The following SH3GL2 variants were observed in gnomAD, a reference collection of about 807,000 sequenced individuals.
SH3GL2 encodes the protein SH3 domain containing GRB2 like 2, endophilin A1.
A neutral mutation model predicts 46.0 loss-of-function variants in SH3GL2; 24 were observed. That is an observed-to-expected ratio of 0.52 (90% CI 0.38 to 0.73). The LOEUF (loss-of-function observed/expected upper bound fraction) is 0.73, where lower values mean the gene tolerates loss of function less well. SH3GL2 is among the 30% of genes least tolerant of loss of function. SH3GL2 has a pLI of 0.00. For synonymous variants in SH3GL2, 196 were observed against 147.1 expected, an observed-to-expected ratio of 1.33 and a Z score of -2.40; for missense variants, 413 against 424.2, an observed-to-expected ratio of 0.97 and a Z score of 0.23.
intron 1 of SH3GL2, among the ~76,000 whole-genome samples, chr9:17,663,914 T>C (rs2117907281): frequency 6.6e-6 from 1 of 152,338 alleles, no homozygotes; most frequent in East Asian, 1.9e-4. Flanking sequence ...TTTTTTCTTT[T>C]TTGTTATGGA....
At chr9:17,683,042 A>G (rs73645132) in intron 1 of SH3GL2, among the ~76,000 whole-genome samples, 3,786 of 152,228 alleles carry the variant, frequency 0.025, 66 homozygotes, top group African/African-American at 0.032. Flanking sequence ...TCATAGAGCA[A>G]CTAACTAGCC....
intron 1 of SH3GL2, among the ~76,000 whole-genome samples, chr9:17,644,926 T>G (rs150065634): frequency 0.012 from 1,287 of 111,724 alleles, 15 homozygotes; most frequent in African/African-American, 0.034. Context: ...AGTGGGGTGT[T>G]AAAGTCTCCC....
At chr9:17,628,802 G>A (rs1213553605) in intron 1 of SH3GL2, among the ~76,000 whole-genome samples, 1 of 152,008 alleles carries the variant, frequency 6.6e-6, no homozygotes. Context: ...TAGATCTTCA[G>A]TGTGAAGCAA....
chr9:17,776,141 C>T (rs923736172), intron 3 of SH3GL2, among the ~76,000 whole-genome samples: 9 of 152,104 alleles, frequency 5.9e-5, no homozygotes, highest in Non-Finnish European at 1.3e-4. Flanking sequence ...CTCATTTTCA[C>T]ACCCCTGTGC....
intron 1 of SH3GL2, among the ~76,000 whole-genome samples, chr9:17,650,472 A>G (rs1245037394): frequency 6.6e-6 from 1 of 152,058 alleles, no homozygotes; most frequent in Non-Finnish European, 1.5e-5. Context: ...TCCGGGTTCA[A>G]GCGATTCTCC....
intron 1 of SH3GL2, among the ~76,000 whole-genome samples, chr9:17,659,786 G>T (rs1006823816): frequency 3.9e-5 from 6 of 152,132 alleles, no homozygotes; most frequent in Non-Finnish European, 5.9e-5. Context: ...AAAAATAATT[G>T]GGAAGTTAGG....
At chr9:17,717,511 A>G (rs1821792123) in intron 1 of SH3GL2, among the ~76,000 whole-genome samples, 1 of 152,084 alleles carries the variant, frequency 6.6e-6, no homozygotes, top group African/African-American at 2.4e-5. Context: ...TGTCTCATCT[A>G]TAAAATGTGC....
chr9:17,680,314 A>G (rs965902194), intron 1 of SH3GL2, among the ~76,000 whole-genome samples: 2 of 152,248 alleles, frequency 1.3e-5, no homozygotes, highest in South Asian at 4.1e-4. Flanking sequence ...AGAGCCTGCT[A>G]TTAGTCTGTT....
intron 1 of SH3GL2, among the ~76,000 whole-genome samples, chr9:17,705,703 C>A (rs1821453224): frequency 1.3e-5 from 2 of 151,924 alleles, no homozygotes; most frequent in Admixed American, 1.3e-4. Context: ...AACACAGGAA[C>A]AGAAAACAAA....
intron 3 of SH3GL2, among the ~76,000 whole-genome samples, chr9:17,768,288 A>C (rs889506814): frequency 3.4e-5 from 5 of 147,930 alleles, no homozygotes; most frequent in Admixed American, 2.0e-4. Flanking sequence ...GGAGAATGGC[A>C]TGAACCTGGG....
At chr9:17,729,086 A>G (rs1269612729) in intron 1 of SH3GL2, among the ~76,000 whole-genome samples, 1 of 152,180 alleles carries the variant, frequency 6.6e-6, no homozygotes. Flanking sequence ...TCCAACTAAC[A>G]GTGTAAAAGT....
chr9:17,664,746 G>A lies in SH3GL2; in HGVS notation c.46-82320G>A, dbSNP rs1225971381. On this transcript the variant is annotated intron_variant, in intron 1 of 8. Coordinates refer to ENST00000380607, the MANE Select transcript of SH3GL2 (RefSeq NM_003026.5). ...AGAAAATTCAAAAGTACATTTTGGA[G>A]GGAGTCTGGGGATATTTTTCAGCCA... Among the ~76,000 whole-genome samples the A allele has an allele frequency of 9.9e-5, 15 of 151,476 alleles. No individual in the cohort carries two copies. In the East Asian group the frequency reaches 2.1e-3, roughly 22 times the overall value.
intron 1 of SH3GL2, among the ~76,000 whole-genome samples, chr9:17,618,968 A>T (rs1350735804): frequency 6.6e-6 from 1 of 152,170 alleles, no homozygotes; most frequent in African/African-American, 2.4e-5. Flanking sequence ...TGATTTTTTT[A>T]AATTCCAAAA....
rs114161659 is a variant in SH3GL2, at chr9:17,724,623, A to C, written c.46-22443A>C. 4.6e-3 allele frequency among the ~76,000 whole-genome samples: 700 copies of C among 152,176 alleles called. 8 individuals are homozygous for C. The highest frequency in any genetic ancestry group is 0.016 in the African/African-American group (676 of 41,536). On this transcript the variant is annotated intron_variant, in intron 1 of 8. Coordinates refer to ENST00000380607, the MANE Select transcript of SH3GL2 (RefSeq NM_003026.5). ...TGTGTATGTGTTTGAATGTCTCATA[A>C]TTCCTTGTTGAAACCTGTACATTTT...
chr9:17,769,737 ATC>A (rs1823418251), intron 3 of SH3GL2, among the ~76,000 whole-genome samples: 1 of 152,004 alleles, frequency 6.6e-6, no homozygotes, highest in East Asian at 1.9e-4. Flanking sequence ...CTTCTAATTT[ATC>A]TTTTTGTTTA....
rs187265219 is a variant in SH3GL2 at position 17,635,838 on chromosome 9, G to C, written c.45+56551G>C. ...GATTTCCTGGTTGCTTCCAACTCAAGTTGAGTATTACAGGAAGGTTTGGAA... is the reference window on the plus strand; with the variant it reads ...GATTTCCTGGTTGCTTCCAACTCAACTTGAGTATTACAGGAAGGTTTGGAA... On this transcript the variant is annotated intron_variant, in intron 1 of 8. Transcript: ENST00000380607. Among the ~76,000 whole-genome samples the C allele has an allele frequency of 2.0e-5, 3 of 152,304 alleles. No individual in the cohort carries two copies. The South Asian group carries it at 6.2e-4, about 32-fold the overall frequency.
intron 3 of SH3GL2, among the ~76,000 whole-genome samples, chr9:17,769,709 A>G (rs776110706): frequency 5.3e-5 from 8 of 151,884 alleles, no homozygotes; most frequent in Admixed American, 5.2e-4. Context: ...ATTATTTCCT[A>G]TCAACATTTG....
Position 17,604,488 on chromosome 9 carries a change from G to A in SH3GL2, c.45+25201G>A, listed in dbSNP as rs149818976. Among the ~76,000 whole-genome samples, 286 of 152,336 alleles carry A rather than the reference G, an allele frequency of 1.9e-3. 2 individuals are homozygous for A. Among genetic ancestry groups the A allele is most frequent in the Admixed American group, 3.9e-3 (60 of 15,302 alleles). On this transcript the variant is annotated intron_variant, in intron 1 of 8. Coordinates refer to ENST00000380607, the MANE Select transcript of SH3GL2 (RefSeq NM_003026.5). ...TTGTTATTGCTGTTGTTACTGGCAT[G>A]TGCTGCAAAGAGCCTTTAGGGACAG... is the stretch of plus-strand genomic sequence containing the variant.
At chr9:17,691,099 G>A (rs970233410) in intron 1 of SH3GL2, among the ~76,000 whole-genome samples, 2 of 152,164 alleles carry the variant, frequency 1.3e-5, no homozygotes, top group African/African-American at 4.8e-5. Flanking sequence ...CTAGGGTAAA[G>A]TTAATGATGA....
Sources: allele counts gnomAD v4.1 joint callset (sites outside exome capture counted in the v4.1 genomes callset), GRCh38; gene constraint gnomAD v4.1.1; transcripts MANE v1.5; gene names NCBI Gene and HGNC (gene_info 2026-07-23, HGNC 2026-07-21).